Variants in MAPK10 observed in about 807,000 individuals in gnomAD.
MAPK10 encodes JNK3 alpha protein kinase.
A neutral mutation model predicts 59.3 loss-of-function variants in MAPK10; 25 were observed. The observed-to-expected ratio is 0.42, with a 90% CI of 0.31 to 0.59. The LOEUF (loss-of-function observed/expected upper bound fraction) is 0.59, where lower values mean the gene tolerates loss of function less well. MAPK10 is among the 20% of genes least tolerant of loss of function. The probability of loss-of-function intolerance (pLI) is 0.15; values close to 1 mark genes in which losing one functional copy is unlikely to be tolerated. For synonymous variants in MAPK10, 190 were observed against 200.5 expected (o/e 0.95, Z 0.44); for missense variants, 351 against 568.9 (o/e 0.62, Z 3.90).
At position 86,017,185 on chromosome 4, in the gene MAPK10, A is replaced by C. The variant is rs752718037; in HGVS notation, c.*43T>G. ...TCTGCGTGTGTGTGTGTTCCATCAC[A>C]TCATCTCCTGAAGAACGCTGGGTTT... On this transcript the variant is annotated 3_prime_UTR_variant, in exon 14 of 14. Transcript: ENST00000641462. This position sits in a 1 kb window ranked among gnomAD's most constrained non-coding sequence, Gnocchi z 4.4. The C allele has an allele frequency of 6.2e-7, 1 of 1,604,246 alleles. No homozygotes were observed. Among genetic ancestry groups the C allele is most frequent in the African/African-American group, 1.3e-5 (1 of 74,922 alleles).
At chr4:86,302,803 A>G (rs1308521777) in intron 2 of MAPK10, among the ~76,000 whole-genome samples, 1 of 152,196 alleles carries the variant, frequency 6.6e-6, no homozygotes, top group Non-Finnish European at 1.5e-5. Flanking sequence ...AGTTCCTGAA[A>G]GTACATAAAT....
chr4:86,121,330 G>A (rs1016762369), intron 4 of MAPK10, among the ~76,000 whole-genome samples: 7 of 152,142 alleles, frequency 4.6e-5, no homozygotes, highest in Non-Finnish European at 8.8e-5. Context: ...ACATGGCAGA[G>A]GGGATAACTA....
At chr4:86,259,748 A>G (rs7666231) in intron 2 of MAPK10, among the ~76,000 whole-genome samples, 1 of 151,834 alleles carries the variant, frequency 6.6e-6, no homozygotes, top group Non-Finnish European at 1.5e-5. Flanking sequence ...CAACATTACC[A>G]TCCAAGCCAT....
intron 1 of MAPK10, among the ~76,000 whole-genome samples, chr4:86,420,223 T>C (rs111336614): frequency 0.015 from 2,347 of 152,318 alleles, 51 homozygotes; most frequent in African/African-American, 0.053. Flanking sequence ...GTCACCTGCA[T>C]TACTCACATG....
chr4:86,040,500 C>A (rs2041292272), intron 11 of MAPK10, among the ~76,000 whole-genome samples: 1 of 151,864 alleles, frequency 6.6e-6, no homozygotes, highest in African/African-American at 2.4e-5. Flanking sequence ...TATGGGAGAG[C>A]ATCAAAAGAG....
intron 1 of MAPK10, among the ~76,000 whole-genome samples, chr4:86,381,942 G>C (rs1740778296): frequency 6.6e-6 from 1 of 152,094 alleles, no homozygotes; most frequent in African/African-American, 2.4e-5. Flanking sequence ...GCAGGAATGG[G>C]AGAATAAAAC....
rs74771754 is a variant in MAPK10, at chr4:86,389,316, C to A, written c.-121-34672G>T. On this transcript the variant is annotated intron_variant, in intron 1 of 13. Transcript: ENST00000361569. ...CCTGCAGAACCATGAGCCAACTAAA[C>A]CTATTTTCATTATAAATTACCCAGT... Among the ~76,000 whole-genome samples the A allele has an allele frequency of 5.4e-3, 825 of 152,262 alleles. 3 individuals are homozygous for A. Among genetic ancestry groups the A allele is most frequent in the East Asian group, 0.015 (79 of 5,186 alleles).
intron 2 of MAPK10, among the ~76,000 whole-genome samples, chr4:86,331,993 C>T (rs550644643): frequency 1.3e-5 from 2 of 152,132 alleles, no homozygotes; most frequent in South Asian, 2.1e-4. Context: ...GTCATTAATT[C>T]CCTTTACATT....
intron 11 of MAPK10, chr4:86,044,890 A>G (rs1362764592): frequency 2.5e-6 from 1 of 395,462 alleles, no homozygotes; most frequent in African/African-American, 2.1e-5. Flanking sequence ...ACTAGTTCCA[A>G]ATGTTCAACA....
intron 2 of MAPK10, among the ~76,000 whole-genome samples, chr4:86,316,377 A>G (rs1204338336): frequency 6.6e-6 from 1 of 152,160 alleles, no homozygotes; most frequent in African/African-American, 2.4e-5. Context: ...AGGAAAGAAG[A>G]GAGAGAGAAT....
chr4:86,331,072 C>T (rs1292835459), intron 2 of MAPK10, among the ~76,000 whole-genome samples: 1 of 152,146 alleles, frequency 6.6e-6, no homozygotes, highest in East Asian at 1.9e-4. Context: ...ACAAGTAGTT[C>T]AAGACTGTTG....
At chr4:86,191,547 C>A (rs2079793663) in intron 3 of MAPK10, 1 of 111,324 alleles carries the variant, frequency 9.0e-6, no homozygotes, top group African/African-American at 3.2e-5. Flanking sequence ...AGGATTACAA[C>A]CCGTGCTTTT....
At chr4:86,067,179 A>G (rs893886277) in intron 10 of MAPK10, among the ~76,000 whole-genome samples, 5 of 152,134 alleles carry the variant, frequency 3.3e-5, no homozygotes, top group Admixed American at 6.5e-5. Context: ...TGCTCACTCT[A>G]TCTCTAGGCT....
chr4:86,086,086 A>C (rs1332580501), intron 9 of MAPK10, among the ~76,000 whole-genome samples: 1 of 152,078 alleles, frequency 6.6e-6, no homozygotes, highest in Non-Finnish European at 1.5e-5. Context: ...ATACCTAGGT[A>C]ATGGGTGGAT....
At chr4:86,333,930 C>A (rs2096213600) in intron 2 of MAPK10, among the ~76,000 whole-genome samples, 1 of 152,120 alleles carries the variant, frequency 6.6e-6, no homozygotes, top group African/African-American at 2.4e-5. Flanking sequence ...TGCTCCTTCT[C>A]TGGTCACTTC....
chr4:86,553,192 T>A (rs1759993640), intron 1 of MAPK10, among the ~76,000 whole-genome samples: 1 of 152,160 alleles, frequency 6.6e-6, no homozygotes, highest in Non-Finnish European at 1.5e-5. Flanking sequence ...TAGTAGTAAA[T>A]ACCTAGTAGT....
At chr4:86,101,863 T>G (rs199839493) in intron 7 of MAPK10, 31 bp downstream of exon 7, 1 of 1,611,476 alleles carries the variant, frequency 6.2e-7, no homozygotes, top group Non-Finnish European at 8.5e-7. Flanking sequence ...TTAAAGCATT[T>G]GAATTGTAAT....
chr4:86,521,997 G>GC (rs143509561), intron 1 of MAPK10, among the ~76,000 whole-genome samples: 7,131 of 152,278 alleles, frequency 0.047, 223 homozygotes, highest in African/African-American at 0.059. Context: ...CCTGGGTTGA[G>GC]CTGGGGACTG....
chr4:86,496,794 T>TC (rs552357103), intron 1 of MAPK10, among the ~76,000 whole-genome samples: 129 of 151,388 alleles, frequency 8.5e-4, no homozygotes, highest in Middle Eastern at 3.4e-3. Context: ...AATATTTAAT[T>TC]CCCCCCCCAC....
Sources: gnomAD v4.1 joint callset for allele counts (sites outside exome capture counted in the v4.1 genomes callset) on GRCh38, gnomAD v4.1.1 for gene constraint, Gnocchi (gnomAD v3.1) non-coding constraint, MANE v1.5 for transcripts, NCBI Gene and HGNC (gene_info 2026-07-23, HGNC 2026-07-21) for gene names.